TMEM150C: variants seen among roughly 807,000 people sequenced by gnomAD.
TMEM150C encodes tentonin 3.
TMEM150C carries 10 observed loss-of-function variants against 29.9 expected under a neutral mutation model. The ratio of observed to expected loss-of-function variants is 0.33; its 90% CI spans 0.21 to 0.57. TMEM150C has a LOEUF of 0.57. Among genes scored for constraint, TMEM150C ranks in the 20% least tolerant of loss-of-function variants. TMEM150C has a pLI of 0.88. For synonymous variants in TMEM150C, 101 were observed against 112.5 expected (o/e 0.90, Z 0.64); for missense variants, 251 against 303.6 (o/e 0.83, Z 1.29).
intron 1 of TMEM150C, among the ~76,000 whole-genome samples, chr4:82,515,504 C>T (rs575483357): frequency 1.4e-3 from 215 of 151,886 alleles, no homozygotes; most frequent in African/African-American, 4.8e-3. Context: ...TTTGGGAGGC[C>T]GAGGTGGGCA....
chr4:82,542,547 C>T (rs116517055), intron 1 of TMEM150C, among the ~76,000 whole-genome samples: 250 of 152,228 alleles, frequency 1.6e-3, no homozygotes, highest in African/African-American at 5.6e-3. Context: ...CATGAGATTC[C>T]GGTGGCCAAA....
At chr4:82,541,418 G>GA (rs1237439334) in intron 1 of TMEM150C, among the ~76,000 whole-genome samples, 1 of 152,010 alleles carries the variant, frequency 6.6e-6, no homozygotes, top group South Asian at 2.1e-4. Flanking sequence ...CCATTGATGT[G>GA]AAAAAACAGA....
chr4:82,535,052 G>A (rs1724963415), intron 1 of TMEM150C, among the ~76,000 whole-genome samples: 1 of 152,206 alleles, frequency 6.6e-6, no homozygotes. Context: ...GCATACACCA[G>A]AGAACTGCTG....
At chr4:82,485,774 CTT>C (rs1723141483) in intron 7 of TMEM150C, 55 bp from the exon 8 acceptor site, 2 of 1,480,242 alleles carry the variant, frequency 1.4e-6, no homozygotes, top group Non-Finnish European at 1.8e-6. Flanking sequence ...AAACTGGAAT[CTT>C]TTCAGGGCAG....
chr4:82,523,612 T>C (rs1200662067), intron 1 of TMEM150C, among the ~76,000 whole-genome samples: 1 of 152,172 alleles, frequency 6.6e-6, no homozygotes, highest in Non-Finnish European at 1.5e-5. Flanking sequence ...CCGGAAATGC[T>C]TTAAAAAATG....
intron 5 of TMEM150C, 162 bp from the exon 6 acceptor site, chr4:82,496,357 A>G (rs752711221): frequency 3.8e-4 from 234 of 614,136 alleles, no homozygotes; most frequent in Non-Finnish European, 6.0e-4. Context: ...TCACCACAGC[A>G]CATTTTACAT....
intron 1 of TMEM150C, among the ~76,000 whole-genome samples, chr4:82,527,222 T>C (rs1366061239): frequency 6.6e-6 from 1 of 152,078 alleles, no homozygotes; most frequent in African/African-American, 2.4e-5. Flanking sequence ...AGAGACATTT[T>C]CACACGTAAT....
chr4:82,523,604 G>A (rs558539292), intron 1 of TMEM150C, among the ~76,000 whole-genome samples: 40 of 152,128 alleles, frequency 2.6e-4, no homozygotes, highest in African/African-American at 3.9e-4. Flanking sequence ...GAAACTTTCC[G>A]GAAATGCTTT....
intron 1 of TMEM150C, among the ~76,000 whole-genome samples, chr4:82,507,789 C>G (rs114911401): frequency 8.8e-6 from 1 of 113,518 alleles, no homozygotes; most frequent in Non-Finnish European, 1.7e-5. Context: ...CGCTTTGTCA[C>G]CCAGGCTGGA....
chr4:82,527,247 G>A (rs1226357879), intron 1 of TMEM150C, among the ~76,000 whole-genome samples: 2 of 152,086 alleles, frequency 1.3e-5, no homozygotes, highest in Admixed American at 6.5e-5. Flanking sequence ...AGGTGAAAGT[G>A]AAGCAGCAGC....
At chr4:82,488,677 G>A (rs1278546586) in intron 7 of TMEM150C, among the ~76,000 whole-genome samples, 1 of 152,096 alleles carries the variant, frequency 6.6e-6, no homozygotes, top group African/African-American at 2.4e-5. Context: ...GCAGTGGCAT[G>A]ATCACAACTC....
chr4:82,491,236 T>C (rs1490407217), intron 6 of TMEM150C: 6 of 681,672 alleles, frequency 8.8e-6, no homozygotes, highest in Middle Eastern at 4.0e-4. Context: ...GGTCTCTTAG[T>C]GGGGACGTCC....
At chr4:82,497,667 G>A (rs1266714574) in intron 5 of TMEM150C, among the ~76,000 whole-genome samples, 1 of 152,178 alleles carries the variant, frequency 6.6e-6, no homozygotes, top group Non-Finnish European at 1.5e-5. Flanking sequence ...AGCTAGTACC[G>A]ACTATTGATC....
At chr4:82,493,209 G>A (rs1723429628) in intron 6 of TMEM150C, among the ~76,000 whole-genome samples, 1 of 151,804 alleles carries the variant, frequency 6.6e-6, no homozygotes, top group Non-Finnish European at 1.5e-5. Context: ...GTTTTTGGCT[G>A]TAGGATTTTT....
chr4:82,531,365 G>T (rs1724839706), intron 1 of TMEM150C, among the ~76,000 whole-genome samples: 1 of 152,116 alleles, frequency 6.6e-6, no homozygotes, highest in South Asian at 2.1e-4. Flanking sequence ...GGTCACTGTT[G>T]CAATAACCCA....
At chr4:82,561,128 TA>T (rs1053607176) in intron 1 of TMEM150C, among the ~76,000 whole-genome samples, 1 of 152,154 alleles carries the variant, frequency 6.6e-6, no homozygotes, top group African/African-American at 2.4e-5. Flanking sequence ...AGCATGAATT[TA>T]AAATGGGAAA....
intron 1 of TMEM150C, among the ~76,000 whole-genome samples, chr4:82,548,733 C>A (rs916415309): frequency 6.6e-6 from 1 of 152,212 alleles, no homozygotes; most frequent in Non-Finnish European, 1.5e-5. Flanking sequence ...TAACCCAGCA[C>A]TGGGGCAGGT....
chr4:82,527,479 G>A (rs746761891), intron 1 of TMEM150C, among the ~76,000 whole-genome samples: 3 of 152,084 alleles, frequency 2.0e-5, no homozygotes, highest in Non-Finnish European at 4.4e-5. Flanking sequence ...TCAGGAGTGT[G>A]TTTAGCTCCA....
At chr4:82,505,273 C>T (rs1316550262) in intron 1 of TMEM150C, among the ~76,000 whole-genome samples, 1 of 152,110 alleles carries the variant, frequency 6.6e-6, no homozygotes, top group Non-Finnish European at 1.5e-5. Flanking sequence ...TCTTGAACTC[C>T]TGGCCCAAAG....
Sources: gnomAD v4.1 joint callset for allele counts (sites outside exome capture counted in the v4.1 genomes callset) on GRCh38, gnomAD v4.1.1 for gene constraint, MANE v1.5 for transcripts, NCBI Gene and HGNC (gene_info 2026-07-23, HGNC 2026-07-21) for gene names.